NXPH1: variants seen among roughly 807,000 people sequenced by gnomAD.
The protein encoded by NXPH1 is neurexophilin-1.
Under a neutral mutation model 23.7 loss-of-function variants are expected in NXPH1, and 5 were observed. The observed-to-expected ratio is 0.21, with a 90% CI of 0.11 to 0.44. The LOEUF is 0.44. Among genes scored for constraint, NXPH1 ranks in the 20% least tolerant of loss-of-function variants. The pLI is 0.99. For synonymous variants in NXPH1, 144 were observed against 122.2 expected, an observed-to-expected ratio of 1.18 and a Z score of -1.18; for missense variants, 324 against 321.6, an observed-to-expected ratio of 1.01 and a Z score of -0.06.
intron 2 of NXPH1, among the ~76,000 whole-genome samples, chr7:8,674,011 GA>G (rs1288822816): frequency 6.6e-6 from 1 of 152,074 alleles, no homozygotes. Context: ...ACAAAGTAAA[GA>G]TCTATTGTCT....
chr7:8,470,570 A>G lies in NXPH1; in HGVS notation c.54+34803A>G, dbSNP rs150308612. On this transcript the variant is annotated intron_variant, in intron 2 of 2. Coordinates refer to ENST00000405863, the MANE Select transcript of NXPH1 (RefSeq NM_152745.3). ...TGCAGAGTAGGAACAGATCTCAGGA[A>G]AAGGTAGACCTGGTGCCTGGCTAAG... Among the ~76,000 whole-genome samples, 5 of 152,284 alleles carry G rather than the reference A, an allele frequency of 3.3e-5. No homozygotes were observed. In the East Asian group the frequency reaches 7.7e-4, roughly 24 times the overall value.
At chr7:8,445,830 T>A (rs1469660727) in intron 2 of NXPH1, among the ~76,000 whole-genome samples, 1 of 152,260 alleles carries the variant, frequency 6.6e-6, no homozygotes, top group African/African-American at 2.4e-5. Flanking sequence ...AGGAATCTGA[T>A]ACCTGACATT....
intron 2 of NXPH1, among the ~76,000 whole-genome samples, chr7:8,486,196 A>G (rs1817157094): frequency 6.6e-6 from 1 of 152,196 alleles, no homozygotes; most frequent in Non-Finnish European, 1.5e-5. Flanking sequence ...TGAAGGAAGA[A>G]CTAGACAGAA....
rs566148555 is a variant in NXPH1, at chr7:8,677,527, C to G, written c.55-73481C>G. ...TGCCAGCCACAGACATGAGTTTCCC[C>G]AGAGAGGAAAAGAGGAACTATGATA... On this transcript the variant is annotated intron_variant, in intron 2 of 2. Transcript: ENST00000405863. 7.9e-5 allele frequency among the ~76,000 whole-genome samples: 12 copies of G among 152,158 alleles called. No homozygotes were observed. In the East Asian group the frequency reaches 9.6e-4, roughly 12 times the overall value.
intron 2 of NXPH1, among the ~76,000 whole-genome samples, chr7:8,719,101 T>C (rs1381859631): frequency 2.6e-5 from 4 of 152,266 alleles, no homozygotes; most frequent in African/African-American, 7.2e-5. Context: ...GTTTTTGGCA[T>C]AGTAGAAAGC....
chr7:8,624,708 A>T (rs1819950398), intron 2 of NXPH1, among the ~76,000 whole-genome samples: 1 of 152,148 alleles, frequency 6.6e-6, no homozygotes, highest in Non-Finnish European at 1.5e-5. Context: ...AGTAAAGACA[A>T]TTGCAGAGTG....
chr7:8,460,791 C>T (rs1816681260), intron 2 of NXPH1, among the ~76,000 whole-genome samples: 1 of 152,168 alleles, frequency 6.6e-6, no homozygotes, highest in Admixed American at 6.5e-5. Context: ...TTATTGACCA[C>T]CTATCTTTGG....
At chr7:8,542,195 T>C (rs558944020) in intron 2 of NXPH1, among the ~76,000 whole-genome samples, 14 of 151,720 alleles carry the variant, frequency 9.2e-5, no homozygotes, top group African/African-American at 1.7e-4. Flanking sequence ...CTATATTTAA[T>C]ATAAAAGTGG....
intron 2 of NXPH1, among the ~76,000 whole-genome samples, chr7:8,490,719 G>A (rs933762636): frequency 2.0e-5 from 3 of 151,950 alleles, no homozygotes; most frequent in Non-Finnish European, 2.9e-5. Flanking sequence ...GATGTCAATA[G>A]TTTTAAAATG....
At chr7:8,712,148 C>G (rs779242832) in intron 2 of NXPH1, among the ~76,000 whole-genome samples, 1 of 152,194 alleles carries the variant, frequency 6.6e-6, no homozygotes, top group African/African-American at 2.4e-5. Flanking sequence ...GAGCTAGATT[C>G]AAGCATCTTT....
intron 2 of NXPH1, among the ~76,000 whole-genome samples, chr7:8,589,610 T>C (rs760844170): frequency 6.6e-6 from 1 of 152,072 alleles, no homozygotes; most frequent in Non-Finnish European, 1.5e-5. Context: ...GCATTGGTCA[T>C]GCAGACAGAG....
intron 2 of NXPH1, among the ~76,000 whole-genome samples, chr7:8,553,793 T>C (rs912281916): frequency 2.6e-5 from 4 of 151,598 alleles, no homozygotes; most frequent in African/African-American, 9.7e-5. Context: ...ATCAGTGTAG[T>C]CATTTGTTCT....
At chr7:8,626,314 C>A (rs1053384046) in intron 2 of NXPH1, among the ~76,000 whole-genome samples, 1 of 151,726 alleles carries the variant, frequency 6.6e-6, no homozygotes, top group Non-Finnish European at 1.5e-5. Context: ...TTCCAAACTG[C>A]AACTTTGTTG....
rs550735063 is a variant in NXPH1, at chr7:8,455,309, C to G, written c.54+19542C>G. Among the ~76,000 whole-genome samples, 11 of 152,206 alleles carry G rather than the reference C, an allele frequency of 7.2e-5. No individual in the cohort carries two copies. In the East Asian group the frequency reaches 1.9e-3, roughly 27 times the overall value. ...AGCAACTTGTGGCCACTTTAAACGA[C>G]TAATCCTGAGACTTTAATCAGTTGT... On this transcript the variant is annotated intron_variant, in intron 2 of 2. Transcript: ENST00000405863.
At chr7:8,616,142 T>C (rs1011590418) in intron 2 of NXPH1, among the ~76,000 whole-genome samples, 4 of 152,084 alleles carry the variant, frequency 2.6e-5, no homozygotes, top group Non-Finnish European at 5.9e-5. Flanking sequence ...ATTGGTCTCC[T>C]GCTACCTTTC....
At chr7:8,495,522 T>C (rs1180244881) in intron 2 of NXPH1, among the ~76,000 whole-genome samples, 1 of 152,016 alleles carries the variant, frequency 6.6e-6, no homozygotes, top group African/African-American at 2.4e-5. Flanking sequence ...ATTGACTTCA[T>C]AGAGAATATG....
chr7:8,524,431 T>C (rs10231670), intron 2 of NXPH1, among the ~76,000 whole-genome samples: 51,243 of 151,750 alleles, frequency 0.34, 8,914 homozygotes, highest in African/African-American at 0.38. Flanking sequence ...CTGCAGGATC[T>C]GCTTCAGAGG....
intron 2 of NXPH1, among the ~76,000 whole-genome samples, chr7:8,489,150 A>T (rs1584189596): frequency 6.6e-6 from 1 of 152,152 alleles, no homozygotes; most frequent in East Asian, 1.9e-4. Context: ...CTGTGACGGG[A>T]GGGTAAAATA....
intron 2 of NXPH1, among the ~76,000 whole-genome samples, chr7:8,603,041 C>T (rs1160868017): frequency 6.6e-6 from 1 of 152,086 alleles, no homozygotes; most frequent in Non-Finnish European, 1.5e-5. Context: ...GAACTTCTAG[C>T]CTCAGGTGAT....
Sources: allele counts gnomAD v4.1 joint callset (sites outside exome capture counted in the v4.1 genomes callset), GRCh38; gene constraint gnomAD v4.1.1; transcripts MANE v1.5; gene names NCBI Gene and HGNC (gene_info 2026-07-23, HGNC 2026-07-21).